Variants in AKR1C2 observed in about 807,000 individuals in gnomAD.
AKR1C2 encodes 3-alpha-HSD3.
Under a neutral mutation model 39.8 loss-of-function variants are expected in AKR1C2, and 27 were observed. The observed-to-expected ratio is 0.68, with a 90% CI of 0.50 to 0.93. AKR1C2 has a LOEUF of 0.93. Among genes scored for constraint, AKR1C2 ranks in the 40% least tolerant of loss-of-function variants. The probability of loss-of-function intolerance (pLI) is 0.00; values close to 1 mark genes in which losing one functional copy is unlikely to be tolerated. For missense variants in AKR1C2, 263 were observed against 365.1 expected (o/e 0.72, Z 2.28); for synonymous variants, 114 against 137.9 (o/e 0.83, Z 1.22).
Position 4,998,639 on chromosome 10 carries a change from G to C in AKR1C2, c.556C>G (p.Pro186Ala), listed in dbSNP as rs782465620. ...ILNKPGLKYK[P>A]VCNQVECHPY... ...AGGGCGCTCACCTGGTTGCAGACAGGCTTGTACTTGAGCCCTGGCTTGTTG... is the reference window on the plus strand; with the variant it reads ...AGGGCGCTCACCTGGTTGCAGACAGCCTTGTACTTGAGCCCTGGCTTGTTG... Residue 186 changes from proline (P) to alanine (A), a missense_variant, in exon 5 of 9, where the codon CCT (proline) becomes GCT (alanine). Pro to Ala is a conservative substitution (Grantham distance 27, BLOSUM62 -1). Transcript: ENST00000380753. 4.6e-5 allele frequency: 74 copies of C among 1,614,018 alleles called. No individual in the cohort carries two copies. In the Admixed American group the frequency reaches 1.2e-3, roughly 27 times the overall value.
intron 8 of AKR1C2, among the ~76,000 whole-genome samples, chr10:4,990,607 A>C (rs1836807009): frequency 6.6e-6 from 1 of 152,188 alleles, no homozygotes; most frequent in Non-Finnish European, 1.5e-5. Flanking sequence ...CAATGCATAA[A>C]CCATTTTATA....
upstream of AKR1C2, chr10:5,003,912 G>C (rs1837346500): frequency 1.1e-5 from 15 of 1,309,980 alleles, no homozygotes; most frequent in Non-Finnish European, 1.6e-5. Context: ...CAACGCCCCT[G>C]AGCACACTGT....
At chr10:5,015,659 A>G (rs1253928268) in intron 1 of AKR1C2, among the ~76,000 whole-genome samples, 1 of 152,188 alleles carries the variant, frequency 6.6e-6, no homozygotes, top group Non-Finnish European at 1.5e-5. Flanking sequence ...CCACCTTCCC[A>G]TAGACGGCCA....
At chr10:4,995,189 C>T in intron 7 of AKR1C2, 130 bp downstream of exon 7, 4 of 1,358,040 alleles carry the variant, frequency 2.9e-6, no homozygotes, top group Non-Finnish European at 2.9e-6. Context: ...TTATGACGTA[C>T]ACAAAGAGTT....
intron 7 of AKR1C2, among the ~76,000 whole-genome samples, chr10:4,994,266 T>TATGA (rs1554772606): frequency 5.8e-4 from 3 of 5,176 alleles, no homozygotes; most frequent in Non-Finnish European, 4.2e-3. Context: ...TGAAATAATA[T>TATGA]ATCTATATAT....
chr10:5,007,518 A>T (rs1193421596), upstream of AKR1C2: 1 of 151,376 alleles, frequency 6.6e-6, no homozygotes, highest in Non-Finnish European at 1.5e-5. Context: ...TACAGAGAAA[A>T]TAATTACAGA....
At chr10:5,000,203 C>T (rs1837213348) in intron 3 of AKR1C2, 3 of 1,425,018 alleles carry the variant, frequency 2.1e-6, no homozygotes, top group Admixed American at 3.0e-5. Flanking sequence ...TTTCTGGACA[C>T]CACAGCTTCA....
At chr10:4,994,039 G>A (rs2131677221) in intron 7 of AKR1C2, among the ~76,000 whole-genome samples, 1 of 151,516 alleles carries the variant, frequency 6.6e-6, no homozygotes, top group South Asian at 2.1e-4. Context: ...CTATTTCAGA[G>A]TATCCTATGG....
In AKR1C2 at chr10:4,998,675, C is replaced by A. The variant is rs1324960838; in HGVS notation, c.520G>T (p.Glu174Ter). 2 of 1,614,054 alleles carry A rather than the reference C, an allele frequency of 1.2e-6. No homozygotes were observed. The highest frequency in any genetic ancestry group is 1.7e-6 in the Non-Finnish European group (2 of 1,180,040). ...AGCCCTGGCTTGTTGAGGATCATCT[C>A]CAGCAGCCTGTGGTTGAAGTTGGAC... Reference protein sequence around the residue: ...GVSNFNHRLLEMILNKPGLKY... With the variant: ...GVSNFNHRLL Residue 174 changes from glutamate to a stop codon, truncating the protein, a stop_gained, in exon 5 of 9, where the codon GAG becomes TAG. Coordinates refer to ENST00000380753, the MANE Select transcript of AKR1C2 (RefSeq NM_001393392.1). LOFTEE classifies it high-confidence loss of function.
At position 4,989,828 on chromosome 10, in the gene AKR1C2, T is replaced by C; in HGVS notation, c.*168A>G. The stretch of plus-strand genomic sequence containing the variant: ...AATTTTTTCAAAATGAAAAACAAAA[T>C]TATTGTCTTTCTTTTCCGGCCGATG... On this transcript the variant is annotated 3_prime_UTR_variant, in exon 9 of 9. Coordinates refer to ENST00000380753, the MANE Select transcript of AKR1C2 (RefSeq NM_001393392.1). 1.9e-6 allele frequency: 2 copies of C among 1,030,352 alleles called. No individual in the cohort carries two copies. Among genetic ancestry groups the C allele is most frequent in the Non-Finnish European group, 2.8e-6 (2 of 713,182 alleles). 63.8% of individuals were successfully genotyped at this position (1,030,352 alleles called of 1,614,324 possible).
intron 1 of AKR1C2, among the ~76,000 whole-genome samples, chr10:5,009,375 AC>A (rs1179417403): frequency 1.3e-5 from 2 of 151,900 alleles, no homozygotes; most frequent in Admixed American, 6.6e-5. Context: ...ACTATTGTTC[AC>A]CCCTCAAGCT....
chr10:5,008,466 G>C (rs1346958236), upstream of AKR1C2, among the ~76,000 whole-genome samples: 1 of 151,992 alleles, frequency 6.6e-6, no homozygotes, highest in African/African-American at 2.4e-5. Context: ...GGCTCAAGGG[G>C]TACCTTGTAC....
intron 4 of AKR1C2, 58 bp from the exon 5 acceptor site, chr10:4,998,805 T>C: frequency 6.2e-7 from 1 of 1,607,250 alleles, no homozygotes; most frequent in Non-Finnish European, 8.5e-7. Context: ...GCAAGATAAA[T>C]GTAACATAGA....
At chr10:4,996,547 A>AATATATATAT (rs200451297) in intron 5 of AKR1C2, among the ~76,000 whole-genome samples, 38 of 144,548 alleles carry the variant, frequency 2.6e-4, no homozygotes, top group Non-Finnish European at 5.0e-4. Context: ...ATATATATAT[A>AATATATATAT]ATATATATAT....
intron 1 of AKR1C2, among the ~76,000 whole-genome samples, chr10:5,017,439 A>G (rs1202080924): frequency 2.6e-5 from 4 of 152,172 alleles, no homozygotes; most frequent in Admixed American, 2.0e-4. Context: ...CTCAAGCTCA[A>G]AGTGACACAG....
Position 5,001,503 on chromosome 10 carries a change from A to G in AKR1C2, c.252+11T>C. The G allele has an allele frequency of 3.7e-6, 6 of 1,610,650 alleles. No homozygotes were observed. The highest frequency in any genetic ancestry group is 5.1e-6 in the Non-Finnish European group (6 of 1,178,576). Reference sequence around the variant, plus strand: ...ATACATGTGCACACAAGCTCATCATAGGCACAGTACCTTTGAAGTGTAGAA... The same window carrying G: ...ATACATGTGCACACAAGCTCATCATGGGCACAGTACCTTTGAAGTGTAGAA... On this transcript the variant is annotated intron_variant, in intron 2 of 8. Transcript: ENST00000380753.
At chr10:5,006,749 C>G (rs1157734405), upstream of AKR1C2, among the ~76,000 whole-genome samples, 7 of 137,278 alleles carry the variant, frequency 5.1e-5, no homozygotes, top group Middle Eastern at 4.4e-3. Context: ...AAAAATTTCA[C>G]CGAATCCATA....
At chr10:5,002,169 C>T (rs1201273314) in intron 1 of AKR1C2, among the ~76,000 whole-genome samples, 3 of 152,122 alleles carry the variant, frequency 2.0e-5, no homozygotes, top group African/African-American at 7.2e-5. Flanking sequence ...CAAGAGATGC[C>T]CTCTACATAC....
At chr10:5,006,238 A>G (rs1837400124), upstream of AKR1C2, among the ~76,000 whole-genome samples, 1 of 152,236 alleles carries the variant, frequency 6.6e-6, no homozygotes, top group Non-Finnish European at 1.5e-5. Flanking sequence ...ACAAAAATCT[A>G]CAAATTCAAG....
Sources: gnomAD v4.1 joint callset for allele counts (sites outside exome capture counted in the v4.1 genomes callset) on GRCh38, gnomAD v4.1.1 for gene constraint, MANE v1.5 for transcripts, NCBI Gene and HGNC (gene_info 2026-07-23, HGNC 2026-07-21) for gene names.